CLEC16A: variants seen among roughly 807,000 people sequenced by gnomAD.
CLEC16A encodes the protein protein CLEC16A.
A neutral mutation model predicts 109.5 loss-of-function variants in CLEC16A; 51 were observed. That is an observed-to-expected ratio of 0.47 (90% confidence interval 0.37 to 0.59). The LOEUF is 0.59. Ranked by LOEUF, CLEC16A falls within the 20% of genes least tolerant of loss-of-function variation. The pLI is 0.00. For missense variants in CLEC16A, 1,339 were observed against 1,394.0 expected, an observed-to-expected ratio of 0.96 and a Z score of 0.63; for synonymous variants, 673 against 564.2, an observed-to-expected ratio of 1.19 and a Z score of -2.73.
At chr16:11,116,871 A>T (rs1424790714) in intron 19 of CLEC16A, among the ~76,000 whole-genome samples, 1 of 152,250 alleles carries the variant, frequency 6.6e-6, no homozygotes. Context: ...GTGGTAATAC[A>T]TAGCCATAAA....
chr16:11,023,855 G>C (rs962845427), intron 12 of CLEC16A, among the ~76,000 whole-genome samples: 28 of 152,314 alleles, frequency 1.8e-4, no homozygotes, highest in Middle Eastern at 3.4e-3. Context: ...TTCAGAGGGG[G>C]CAGCCACAGA....
intron 19 of CLEC16A, among the ~76,000 whole-genome samples, chr16:11,106,634 G>A (rs1372158156): frequency 6.6e-6 from 1 of 151,686 alleles, no homozygotes; most frequent in Non-Finnish European, 1.5e-5. Flanking sequence ...ATAGTTGCAT[G>A]CCACCACACC....
intron 11 of CLEC16A, among the ~76,000 whole-genome samples, chr16:11,017,690 T>C (rs907887740): frequency 6.6e-6 from 1 of 152,140 alleles, no homozygotes; most frequent in Non-Finnish European, 1.5e-5. Flanking sequence ...CCTGATAGGA[T>C]GTGATGAGAA....
At chr16:11,159,870 A>G (rs1026111934) in intron 22 of CLEC16A, among the ~76,000 whole-genome samples, 29 of 152,178 alleles carry the variant, frequency 1.9e-4, no homozygotes, top group African/African-American at 7.0e-4. Context: ...AGTATTTAGT[A>G]TCTATGGCAT....
intron 10 of CLEC16A, among the ~76,000 whole-genome samples, chr16:11,000,863 C>T (rs1310500086): frequency 1.3e-5 from 2 of 152,096 alleles, no homozygotes; most frequent in African/African-American, 4.8e-5. Context: ...TGGCAAGGTA[C>T]GGTGTTCCCC....
rs561836023 is a variant in CLEC16A at position 11,166,323 on chromosome 16, A to G, written c.2642-65A>G. Reference sequence around the variant, plus strand: ...TGAGGTTGGGTTGTTCAGTGGAACCATGACATTGAGGCCCTCAGGCCTACT... The same window carrying G: ...TGAGGTTGGGTTGTTCAGTGGAACCGTGACATTGAGGCCCTCAGGCCTACT... On this transcript the variant is annotated intron_variant, in intron 22 of 23. Transcript: ENST00000409790. 2.0e-5 allele frequency: 30 copies of G among 1,501,706 alleles called. No individual in the cohort carries two copies. The African/African-American group carries it at 3.7e-4, about 19-fold the overall frequency. 93.0% of individuals were successfully genotyped at this position (1,501,706 alleles called of 1,614,324 possible).
chr16:11,133,352 A>AG (rs1567370586), intron 22 of CLEC16A, among the ~76,000 whole-genome samples: 11 of 151,140 alleles, frequency 7.3e-5, no homozygotes, highest in African/African-American at 2.5e-4. Flanking sequence ...AAAAAAAAAA[A>AG]ATTTTTTTTT....
At chr16:11,099,173 G>A (rs1181955760) in intron 19 of CLEC16A, among the ~76,000 whole-genome samples, 1 of 152,198 alleles carries the variant, frequency 6.6e-6, no homozygotes, top group Admixed American at 6.5e-5. Flanking sequence ...CCTGGGCCAG[G>A]CTGCTTCATG....
At chr16:10,951,694 T>C (rs1325838600) in intron 1 of CLEC16A, among the ~76,000 whole-genome samples, 2 of 152,248 alleles carry the variant, frequency 1.3e-5, no homozygotes, top group Non-Finnish European at 2.9e-5. Flanking sequence ...GGTACATACA[T>C]AGTTTGAGAA....
At chr16:11,102,039 T>C (rs1232141815) in intron 19 of CLEC16A, among the ~76,000 whole-genome samples, 3 of 151,550 alleles carry the variant, frequency 2.0e-5, no homozygotes, top group African/African-American at 4.9e-5. Flanking sequence ...TCTCAAACTC[T>C]TGGGCTTGAG....
chr16:11,086,476 T>G (rs2050014468), intron 19 of CLEC16A, among the ~76,000 whole-genome samples: 1 of 152,222 alleles, frequency 6.6e-6, no homozygotes. Context: ...GGTAGGTAAT[T>G]TCCTGTTAAG....
chr16:10,973,158 C>A, intron 7 of CLEC16A, 97 bp downstream of exon 7: 1 of 1,371,914 alleles, frequency 7.3e-7, no homozygotes, highest in Non-Finnish European at 9.9e-7. Flanking sequence ...AACCGCACTT[C>A]CCTACCTCTG....
In CLEC16A at chr16:11,015,594, G is replaced by A. The variant is rs74885973; in HGVS notation, c.1304-4599G>A. Among the ~76,000 whole-genome samples, 542 of 152,328 alleles carry A rather than the reference G, an allele frequency of 3.6e-3. 1 individual carries two copies. The highest frequency in any genetic ancestry group is 0.013 in the African/African-American group (521 of 41,564). ...GCTCTGCGCTCATCTGCTGACTGTG[G>A]TGGGATGCCCTGGAAAATTGTCCTG... On this transcript the variant is annotated intron_variant, in intron 11 of 23. Coordinates refer to ENST00000409790, the MANE Select transcript of CLEC16A (RefSeq NM_015226.3).
At chr16:11,059,429 C>G (rs1198125050) in intron 18 of CLEC16A, among the ~76,000 whole-genome samples, 1 of 152,208 alleles carries the variant, frequency 6.6e-6, no homozygotes, top group Non-Finnish European at 1.5e-5. Context: ...TAGGATTGCT[C>G]TTCCAGTTCC....
In CLEC16A at chr16:11,174,499, G is replaced by A. The variant is rs560082942; in HGVS notation, c.2807-3836G>A. ...CAGATCCCCGGCCCTTGACCTTCGC[G>A]ACAGTCCTTCACCTTCGCGACAGTC... On this transcript the variant is annotated intron_variant, in intron 23 of 23. Transcript: ENST00000409790. This position sits in a 1 kb window ranked among gnomAD's most constrained non-coding sequence, Gnocchi z 4.7. Among the ~76,000 whole-genome samples the A allele has an allele frequency of 7.2e-5, 11 of 152,244 alleles. No homozygotes were observed. Among genetic ancestry groups the A allele is most frequent in the East Asian group, 5.8e-4 (3 of 5,158 alleles).
chr16:11,092,144 G>A (rs934642240), intron 19 of CLEC16A, among the ~76,000 whole-genome samples: 12 of 152,014 alleles, frequency 7.9e-5, no homozygotes, highest in Admixed American at 2.6e-4. Flanking sequence ...TCAGGAGTTC[G>A]AGACCAGCCT....
At chr16:11,043,923 T>G in intron 15 of CLEC16A, 105 bp from the exon 16 acceptor site, 1 of 758,894 alleles carries the variant, frequency 1.3e-6, no homozygotes, top group Non-Finnish European at 2.1e-6. Flanking sequence ...AGGATATTAG[T>G]CCAGATCTGT....
intron 22 of CLEC16A, chr16:11,149,888 C>A (rs1201125219): frequency 6.6e-6 from 1 of 151,390 alleles, no homozygotes; most frequent in African/African-American, 2.5e-5. Context: ...TTTTCCAGAC[C>A]CTTCTCTGTG....
chr16:10,996,303 C>T (rs1050316172), intron 10 of CLEC16A, among the ~76,000 whole-genome samples: 8 of 152,312 alleles, frequency 5.3e-5, no homozygotes, highest in Non-Finnish European at 1.2e-4. Context: ...GGACCACTGC[C>T]CTGACTTCCT....
Sources: allele counts gnomAD v4.1 joint callset (sites outside exome capture counted in the v4.1 genomes callset), GRCh38; gene constraint gnomAD v4.1.1; non-coding constraint Gnocchi (gnomAD v3.1); transcripts MANE v1.5; gene names NCBI Gene and HGNC (gene_info 2026-07-23, HGNC 2026-07-21).